VWA8: variants seen among roughly 807,000 people sequenced by gnomAD.
VWA8 encodes von Willebrand factor A domain-containing protein 8.
Under a neutral mutation model 241.5 loss-of-function variants are expected in VWA8, and 221 were observed. The observed-to-expected ratio is 0.91, with a 90% confidence interval of 0.82 to 1.02. The LOEUF (loss-of-function observed/expected upper bound fraction) is 1.02, where lower values mean the gene tolerates loss of function less well. Ranked by LOEUF, VWA8 falls within the 50% of genes least tolerant of loss-of-function variation. The probability of loss-of-function intolerance (pLI) is 0.00; values close to 1 mark genes in which losing one functional copy is unlikely to be tolerated. For missense variants in VWA8, 2,322 were observed against 2,328.7 expected (o/e 1.00, Z 0.06); for synonymous variants, 852 against 827.1 (o/e 1.03, Z -0.52).
chr13:41,688,113 T>C (rs2045149260), intron 34 of VWA8, among the ~76,000 whole-genome samples: 1 of 152,122 alleles, frequency 6.6e-6, no homozygotes, highest in East Asian at 1.9e-4. Context: ...ATAAACACTG[T>C]ATTTCAATAA....
chr13:41,881,845 C>T (rs1874223812), intron 9 of VWA8, among the ~76,000 whole-genome samples: 1 of 136,884 alleles, frequency 7.3e-6, no homozygotes, highest in Non-Finnish European at 1.6e-5. Flanking sequence ...GGCGGCTGGC[C>T]GGGCGGGGGG....
intron 13 of VWA8, 37 bp downstream of exon 13, chr13:41,833,334 T>G (rs373085047): frequency 1.3e-6 from 2 of 1,567,908 alleles, no homozygotes; most frequent in Non-Finnish European, 1.7e-6. Context: ...CAGAGTGGGG[T>G]GTGTGTCTGT....
chr13:41,835,093 A>T (rs1871659290), intron 12 of VWA8, among the ~76,000 whole-genome samples: 1 of 152,106 alleles, frequency 6.6e-6, no homozygotes, highest in Non-Finnish European at 1.5e-5. Flanking sequence ...GGGTGAGAGG[A>T]GGGAGGAGGG....
intron 2 of VWA8, among the ~76,000 whole-genome samples, chr13:41,929,677 T>C (rs955413301): frequency 6.6e-6 from 1 of 152,122 alleles, no homozygotes; most frequent in Non-Finnish European, 1.5e-5. Context: ...GTCTCTTCAA[T>C]AAATGGTGCT....
chr13:41,739,915 C>G (rs898587860), intron 21 of VWA8, among the ~76,000 whole-genome samples: 12 of 142,326 alleles, frequency 8.4e-5, no homozygotes, highest in African/African-American at 2.8e-4. Flanking sequence ...AGTGCAGTGG[C>G]ACAATCTCAG....
rs1555335120 is a variant in VWA8 at position 41,784,729 on chromosome 13, T to TAC, written c.2171-830_2171-829dup. Among the ~76,000 whole-genome samples, 155 of 60,054 alleles carry TAC rather than the reference T, an allele frequency of 2.6e-3. 5 individuals are homozygous for TAC. The highest frequency in any genetic ancestry group is 3.8e-3 in the Admixed American group (20 of 5,328). 39.4% of individuals were successfully genotyped at this position (60,054 alleles called of 152,430 possible). On this transcript the variant is annotated intron_variant, in intron 18 of 44. Coordinates refer to ENST00000379310, the MANE Select transcript of VWA8 (RefSeq NM_015058.2). ...ATATATATATATATATATATATATATACACACACATATATATATATATATA... is the reference window on the plus strand; with the variant it reads ...ATATATATATATATATATATATATATACACACACACATATATATATATATATA...
At chr13:41,812,721 T>C (rs757258327) in intron 16 of VWA8, among the ~76,000 whole-genome samples, 19 of 152,174 alleles carry the variant, frequency 1.2e-4, no homozygotes, top group Non-Finnish European at 2.2e-4. Flanking sequence ...TATATTTCCT[T>C]TGGGAATTAG....
intron 9 of VWA8, among the ~76,000 whole-genome samples, chr13:41,871,837 G>C (rs1873638787): frequency 1.3e-5 from 2 of 152,108 alleles, no homozygotes; most frequent in Admixed American, 1.3e-4. Context: ...GGGATGGCTG[G>C]GTCAAATGGT....
chr13:41,570,452 C>A lies in VWA8; in HGVS notation c.5609+16G>T. On this transcript the variant is annotated intron_variant, in intron 44 of 44. Coordinates refer to ENST00000379310, the MANE Select transcript of VWA8 (RefSeq NM_015058.2). ...CTCTGTACCTGCCCTTTTCTGTATG[C>A]TCAGATGACACTTACCTGGTTGCTT... 6.8e-6 allele frequency: 11 copies of A among 1,608,778 alleles called. No homozygotes were observed. Among genetic ancestry groups the A allele is most frequent in the Non-Finnish European group, 9.4e-6 (11 of 1,175,336 alleles).
chr13:41,836,617 G>C (rs916627440), intron 12 of VWA8, among the ~76,000 whole-genome samples: 3 of 152,074 alleles, frequency 2.0e-5, no homozygotes, highest in African/African-American at 7.2e-5. Context: ...ATTTGGTTAT[G>C]ATTCCAAAGT....
intron 21 of VWA8, among the ~76,000 whole-genome samples, chr13:41,758,369 C>CATATATATATATATATATAT (rs374621428): frequency 1.4e-5 from 1 of 72,988 alleles, no homozygotes; most frequent in African/African-American, 5.5e-5. Context: ...TAGATACTAG[C>CATATATATATATATATATAT]ATATATATAT....
chr13:41,801,051 C>G (rs1869935072), intron 17 of VWA8, among the ~76,000 whole-genome samples: 1 of 151,766 alleles, frequency 6.6e-6, no homozygotes, highest in African/African-American at 2.4e-5. Context: ...ACACTGCTAG[C>G]TTTCAATATT....
intron 24 of VWA8, among the ~76,000 whole-genome samples, chr13:41,725,619 A>G (rs182131246): frequency 2.1e-4 from 32 of 152,308 alleles, no homozygotes; most frequent in African/African-American, 7.2e-4. Context: ...ACAAGGATGA[A>G]TAGGGGTAGA....
intron 12 of VWA8, among the ~76,000 whole-genome samples, chr13:41,858,546 C>T (rs1872861469): frequency 6.6e-6 from 1 of 151,654 alleles, no homozygotes; most frequent in South Asian, 2.1e-4. Flanking sequence ...GCGGAGGTTG[C>T]AGTTAACCAA....
chr13:41,587,596 G>A lies in VWA8; in HGVS notation c.5187C>T (p.Asn1729=), dbSNP rs2044427457. ...VDVSGSMYRF[N]RMDGRLERTM... is the part of the protein sequence containing the mutation. ...TGCGCTCAAGCCGGCCATCCATCCT[G>A]TTGAAACGGTACATGCTACCAGACA... The change falls in exon 42 of 45, where the codon AAC becomes AAT. Residue 1729 remains asparagine (N), a synonymous_variant. Coordinates refer to ENST00000379310, the MANE Select transcript of VWA8 (RefSeq NM_015058.2). 3 of 1,614,224 alleles carry A rather than the reference G, an allele frequency of 1.9e-6. No individual in the cohort carries two copies. Among genetic ancestry groups the A allele is most frequent in the Non-Finnish European group, 2.5e-6 (3 of 1,180,042 alleles).
At chr13:41,655,953 C>T (rs1289496133) in intron 37 of VWA8, among the ~76,000 whole-genome samples, 2 of 152,048 alleles carry the variant, frequency 1.3e-5, no homozygotes, top group African/African-American at 4.8e-5. Flanking sequence ...ACCAGAGGCA[C>T]AAAAGAGATG....
chr13:41,932,785 A>C (rs749673908), intron 2 of VWA8, among the ~76,000 whole-genome samples: 1 of 151,836 alleles, frequency 6.6e-6, no homozygotes, highest in Non-Finnish European at 1.5e-5. Flanking sequence ...CAGATTAAAA[A>C]CTCTAAGCAA....
intron 2 of VWA8, among the ~76,000 whole-genome samples, chr13:41,919,132 A>G (rs1876393671): frequency 6.6e-6 from 1 of 152,216 alleles, no homozygotes; most frequent in Non-Finnish European, 1.5e-5. Flanking sequence ...GCAAAGGAGT[A>G]GGAGAAATCC....
chr13:41,850,199 C>T (rs1049475263), intron 12 of VWA8, among the ~76,000 whole-genome samples: 12 of 152,118 alleles, frequency 7.9e-5, no homozygotes, highest in Non-Finnish European at 1.6e-4. Context: ...TATACACATG[C>T]CCAAAGGCCT....
Sources: allele counts gnomAD v4.1 joint callset (sites outside exome capture counted in the v4.1 genomes callset), GRCh38; gene constraint gnomAD v4.1.1; transcripts MANE v1.5; gene names NCBI Gene and HGNC (gene_info 2026-07-23, HGNC 2026-07-21).